PPARGC1A: variants seen among roughly 807,000 people sequenced by gnomAD.
PPARGC1A encodes the protein PPARG coactivator 1 alpha.
A neutral mutation model predicts 88.7 loss-of-function variants in PPARGC1A; 25 were observed. The ratio of observed to expected loss-of-function variants is 0.28; its 90% CI spans 0.21 to 0.39. The LOEUF is 0.39. PPARGC1A is among the 10% of genes least tolerant of loss of function. The pLI is 1.00. For missense variants in PPARGC1A, 880 were observed against 968.7 expected, an observed-to-expected ratio of 0.91 and a Z score of 1.22; for synonymous variants, 363 against 355.6, an observed-to-expected ratio of 1.02 and a Z score of -0.24.
At chr4:23,980,409 C>A in the PPARGC1A span, among the ~76,000 whole-genome samples, 1 of 152,094 alleles carries the variant, frequency 6.6e-6, no homozygotes, top group East Asian at 1.9e-4. Context: ...AGAAGGAGCT[C>A]ACTAAGTAAA....
the PPARGC1A span, among the ~76,000 whole-genome samples, chr4:23,913,261 T>TAGAGAGAG: frequency 5.5e-5 from 3 of 54,614 alleles, no homozygotes; most frequent in Non-Finnish European, 1.1e-4. Flanking sequence ...TATATATATA[T>TAGAGAGAG]ATATATAGAG....
At chr4:24,310,867 A>G in the PPARGC1A span, among the ~76,000 whole-genome samples, 1 of 152,116 alleles carries the variant, frequency 6.6e-6, no homozygotes, top group Non-Finnish European at 1.5e-5. Context: ...ATGGAAATCA[A>G]CCTCACAGCT....
At chr4:23,969,798 T>C in the PPARGC1A span, among the ~76,000 whole-genome samples, 9 of 152,172 alleles carry the variant, frequency 5.9e-5, no homozygotes, top group Non-Finnish European at 8.8e-5. Flanking sequence ...TCCAGACATA[T>C]GCCTGCCTCA....
At chr4:24,029,951 G>A in the PPARGC1A span, among the ~76,000 whole-genome samples, 1 of 152,160 alleles carries the variant, frequency 6.6e-6, no homozygotes, top group East Asian at 1.9e-4. Flanking sequence ...ATGTAAGCCT[G>A]TAGAGGGGTC....
At chr4:23,836,291 C>CTG (rs1725997787) in intron 2 of PPARGC1A, among the ~76,000 whole-genome samples, 1 of 152,156 alleles carries the variant, frequency 6.6e-6, no homozygotes, top group Non-Finnish European at 1.5e-5. Context: ...GGCCAACGGG[C>CTG]ATTTCCACAG....
At chr4:23,971,813 G>A in the PPARGC1A span, among the ~76,000 whole-genome samples, 2 of 152,172 alleles carry the variant, frequency 1.3e-5, no homozygotes, top group Non-Finnish European at 1.5e-5. Context: ...TTGACACTCG[G>A]TATTAACCAT....
At chr4:24,460,960 A>G in the PPARGC1A span, among the ~76,000 whole-genome samples, 12,103 of 152,280 alleles carry the variant, frequency 0.079, 797 homozygotes, top group African/African-American at 0.18. Context: ...GTCTCACTCT[A>G]TCCTCCAGGC....
the PPARGC1A span, among the ~76,000 whole-genome samples, chr4:24,246,471 C>A: frequency 6.6e-6 from 1 of 152,022 alleles, no homozygotes; most frequent in Non-Finnish European, 1.5e-5. Flanking sequence ...AAAAATTAGC[C>A]GGGCGTGGTG....
the PPARGC1A span, among the ~76,000 whole-genome samples, chr4:24,154,536 A>C: frequency 6.6e-6 from 1 of 152,178 alleles, no homozygotes; most frequent in Non-Finnish European, 1.5e-5. Context: ...TACAACTCAA[A>C]ATACATGGCT....
At chr4:24,429,153 C>G in the PPARGC1A span, among the ~76,000 whole-genome samples, 3 of 152,148 alleles carry the variant, frequency 2.0e-5, no homozygotes, top group African/African-American at 7.2e-5. Flanking sequence ...AAAAAGAAAA[C>G]TCAGACGTGA....
the PPARGC1A span, among the ~76,000 whole-genome samples, chr4:24,162,591 C>CTTTTTT: frequency 7.8e-6 from 1 of 128,056 alleles, no homozygotes; most frequent in Non-Finnish European, 1.6e-5. Context: ...TCCTTACTTC[C>CTTTTTT]TTTTTTTTTT....
the PPARGC1A span, among the ~76,000 whole-genome samples, chr4:23,994,581 A>T: frequency 6.6e-6 from 1 of 152,168 alleles, no homozygotes; most frequent in Non-Finnish European, 1.5e-5. Flanking sequence ...TCAGGTTTCC[A>T]TCTAGAGTCT....
the PPARGC1A span, among the ~76,000 whole-genome samples, chr4:24,173,054 A>G: frequency 2.0e-4 from 31 of 152,282 alleles, no homozygotes; most frequent in African/African-American, 5.3e-4. Context: ...AAGATCATAT[A>G]TGGAAGTAAA....
intron 2 of PPARGC1A, among the ~76,000 whole-genome samples, chr4:23,861,051 C>A (rs1329876177): frequency 6.6e-6 from 1 of 152,208 alleles, no homozygotes; most frequent in South Asian, 2.1e-4. Context: ...CAAACCAGAA[C>A]ACTACGACCT....
the PPARGC1A span, among the ~76,000 whole-genome samples, chr4:23,938,929 A>G: frequency 6.6e-6 from 1 of 152,294 alleles, no homozygotes; most frequent in Non-Finnish European, 1.5e-5. Flanking sequence ...TGGCTGCCCC[A>G]GTGGATGCTC....
chr4:23,899,903 T>C (rs1198002548), upstream of PPARGC1A, among the ~76,000 whole-genome samples: 2 of 152,070 alleles, frequency 1.3e-5, no homozygotes, highest in African/African-American at 4.8e-5. Flanking sequence ...ACTCTTATGA[T>C]ACATGTACTT....
the PPARGC1A span, among the ~76,000 whole-genome samples, chr4:24,109,095 G>A: frequency 1.4e-5 from 2 of 147,712 alleles, no homozygotes; most frequent in Non-Finnish European, 3.0e-5. Flanking sequence ...AGGATATGTA[G>A]GTAACAGAAA....
chr4:24,138,134 T>C, the PPARGC1A span, among the ~76,000 whole-genome samples: 938 of 152,266 alleles, frequency 6.2e-3, 31 homozygotes, highest in East Asian at 0.098. Flanking sequence ...TTAAACCAGC[T>C]ACAAGATGTC....
chr4:24,390,039 A>G, the PPARGC1A span, among the ~76,000 whole-genome samples: 1 of 152,174 alleles, frequency 6.6e-6, no homozygotes, highest in Non-Finnish European at 1.5e-5. Flanking sequence ...TTGAGTAATC[A>G]TTAATCAAGG....
Sources: gnomAD v4.1 joint callset for allele counts (sites outside exome capture counted in the v4.1 genomes callset) on GRCh38, gnomAD v4.1.1 for gene constraint, MANE v1.5 for transcripts, NCBI Gene and HGNC (gene_info 2026-07-23, HGNC 2026-07-21) for gene names.